The following DNAJC17 variants were observed in gnomAD, a reference collection of about 807,000 sequenced individuals.
The protein encoded by DNAJC17 is DnaJ heat shock protein family (Hsp40) member C17, also known as dnaJ homolog subfamily C member 17.
In DNAJC17, 35 loss-of-function variants were observed where a neutral mutation model predicts 48.1. The ratio of observed to expected loss-of-function variants is 0.73; its 90% confidence interval spans 0.56 to 0.96. DNAJC17 has a LOEUF of 0.96. DNAJC17 is among the 50% of genes least tolerant of loss of function. The pLI is 0.00. For missense variants in DNAJC17, 355 were observed against 377.1 expected (o/e 0.94, Z 0.48); for synonymous variants, 117 against 142.7 (o/e 0.82, Z 1.28).
At chr15:40,796,644 G>A (rs1566830001) in intron 1 of DNAJC17, among the ~76,000 whole-genome samples, 1 of 152,218 alleles carries the variant, frequency 6.6e-6, no homozygotes, top group Non-Finnish European at 1.5e-5. Flanking sequence ...CCTGTGTATT[G>A]CTGGTGGGAA....
intron 1 of DNAJC17, among the ~76,000 whole-genome samples, chr15:40,800,688 T>C (rs80308000): frequency 0.013 from 1,862 of 141,248 alleles, 17 homozygotes; most frequent in Non-Finnish European, 0.021. Context: ...CATAAGCCAT[T>C]AAAAAAAAAA....
chr15:40,783,220 A>G (rs1234382596), intron 1 of DNAJC17, among the ~76,000 whole-genome samples: 1 of 151,962 alleles, frequency 6.6e-6, no homozygotes, highest in East Asian at 1.9e-4. Context: ...GCTTTTTTTC[A>G]ATAAGTAAAA....
In DNAJC17 at chr15:40,765,301, C is replaced by T. The variant is rs1888924272; in HGVS notation, c.*2639G>A. ...CACCATAATCAGTTTTAGAACATTT[C>T]TAATACCCCAAAAGGAAACCCTGTA... is the stretch of plus-strand genomic sequence containing the variant. On this transcript the variant is annotated 3_prime_UTR_variant, in exon 11 of 11. Coordinates refer to ENST00000220496, the MANE Select transcript of DNAJC17 (RefSeq NM_018163.3). 1 of 152,240 alleles carries T rather than the reference C, an allele frequency of 6.6e-6. No individual in the cohort carries two copies. Among genetic ancestry groups the T allele is most frequent in the Non-Finnish European group, 1.5e-5 (1 of 68,088 alleles). 9.4% of individuals were successfully genotyped at this position (152,240 alleles called of 1,614,324 possible).
chr15:40,767,437 T>C lies in DNAJC17; in HGVS notation c.*503A>G, dbSNP rs1194606657. ...CCAAGCTCCTGCCTCACCGTCTGCCTTGCTCCTCTCTTCCCAAATCATCAC... is the reference window on the plus strand; with the variant it reads ...CCAAGCTCCTGCCTCACCGTCTGCCCTGCTCCTCTCTTCCCAAATCATCAC... On this transcript the variant is annotated 3_prime_UTR_variant, in exon 11 of 11. Coordinates refer to ENST00000220496, the MANE Select transcript of DNAJC17 (RefSeq NM_018163.3). 1 of 1,407,142 alleles carries C rather than the reference T, an allele frequency of 7.1e-7. No homozygotes were observed. Among genetic ancestry groups the C allele is most frequent in the Non-Finnish European group, 9.5e-7 (1 of 1,049,520 alleles). 87.2% of individuals were successfully genotyped at this position (1,407,142 alleles called of 1,614,324 possible). A position where few individuals can be genotyped will look rare whatever the true frequency, so the allele number is the denominator to read the frequency against.
At chr15:40,787,680 C>G (rs1411121346) in intron 1 of DNAJC17, among the ~76,000 whole-genome samples, 1 of 152,148 alleles carries the variant, frequency 6.6e-6, no homozygotes, top group Non-Finnish European at 1.5e-5. Context: ...CAACCTGAAC[C>G]CAGAGCAGGG....
Position 40,771,403 on chromosome 15 carries a change from G to A in DNAJC17, c.792+2324C>T, listed in dbSNP as rs1000599079. 2.5e-5 allele frequency: 7 copies of A among 276,936 alleles called. No individual in the cohort carries two copies. The South Asian group carries it at 3.5e-4, about 14-fold the overall frequency. 17.2% of individuals were successfully genotyped at this position (276,936 alleles called of 1,614,324 possible). On this transcript the variant is annotated intron_variant, in intron 10 of 10. Coordinates refer to ENST00000220496, the MANE Select transcript of DNAJC17 (RefSeq NM_018163.3). Reference sequence around the variant, plus strand: ...AGAAGGTGGCACGGGGTCAGATCAGGGAGTGGGAGGACACAGACTGAGCAG... The same window carrying A: ...AGAAGGTGGCACGGGGTCAGATCAGAGAGTGGGAGGACACAGACTGAGCAG...
chr15:40,772,755 A>G (rs933465923), intron 10 of DNAJC17, among the ~76,000 whole-genome samples: 4 of 152,228 alleles, frequency 2.6e-5, no homozygotes, highest in African/African-American at 9.6e-5. Flanking sequence ...TCTTGCCCCC[A>G]AAGCAATCTG....
At chr15:40,777,844 G>A (rs1458540029) in intron 4 of DNAJC17, among the ~76,000 whole-genome samples, 1 of 151,928 alleles carries the variant, frequency 6.6e-6, no homozygotes, top group Non-Finnish European at 1.5e-5. Context: ...CTGATTTATA[G>A]TCAGAGTTGC....
chr15:40,775,980 CAGG>C (rs1485269576), intron 6 of DNAJC17, among the ~76,000 whole-genome samples: 1 of 152,066 alleles, frequency 6.6e-6, no homozygotes, highest in Non-Finnish European at 1.5e-5. Context: ...CAAATGTGGC[CAGG>C]AGATCTCAGG....
rs927039352 is a variant in DNAJC17, at chr15:40,767,856, G to A, written c.*84C>T. The A allele has an allele frequency of 1.3e-6, 2 of 1,563,674 alleles. No individual in the cohort carries two copies. The highest frequency in any genetic ancestry group is 1.7e-6 in the Non-Finnish European group (2 of 1,158,690). ...CCCAGCACCTTATACCTATGTATGG[G>A]ATAGAGGTAAAATCTTAAAAAAAAA... is the stretch of plus-strand genomic sequence containing the variant. On this transcript the variant is annotated 3_prime_UTR_variant, in exon 11 of 11. Transcript: ENST00000220496.
At chr15:40,783,614 A>C (rs557181043) in intron 1 of DNAJC17, among the ~76,000 whole-genome samples, 10 of 152,314 alleles carry the variant, frequency 6.6e-5, no homozygotes, top group African/African-American at 2.2e-4. Context: ...CTCTAATCCC[A>C]TCGCTGTGGG....
intron 1 of DNAJC17, among the ~76,000 whole-genome samples, chr15:40,804,041 T>C (rs1189886367): frequency 1.3e-5 from 2 of 149,796 alleles, no homozygotes; most frequent in Admixed American, 6.7e-5. Context: ...GGCAAAATCA[T>C]AGCTCACTGA....
chr15:40,785,240 T>C (rs567647561), intron 1 of DNAJC17, among the ~76,000 whole-genome samples: 119 of 152,316 alleles, frequency 7.8e-4, no homozygotes, highest in African/African-American at 2.8e-3. Context: ...TGATATTTAC[T>C]TTCTATAATA....
intron 4 of DNAJC17, among the ~76,000 whole-genome samples, chr15:40,777,813 G>A (rs961917351): frequency 6.6e-6 from 1 of 151,970 alleles, no homozygotes; most frequent in Admixed American, 6.6e-5. Context: ...ATCTTATTGG[G>A]TTGATGAAAA....
intron 1 of DNAJC17, among the ~76,000 whole-genome samples, chr15:40,804,497 G>C (rs1362843063): frequency 6.6e-6 from 1 of 152,086 alleles, no homozygotes; most frequent in Non-Finnish European, 1.5e-5. Flanking sequence ...TACATGAGAG[G>C]CTGAGGTGGG....
chr15:40,804,138 T>TAA, intron 1 of DNAJC17, among the ~76,000 whole-genome samples: 1 of 151,656 alleles, frequency 6.6e-6, no homozygotes, highest in African/African-American at 2.4e-5. Flanking sequence ...AGCTTTTTTT[T>TAA]TTATATATAG....
At chr15:40,782,411 ACT>A (rs1165880428) in intron 1 of DNAJC17, among the ~76,000 whole-genome samples, 1 of 151,928 alleles carries the variant, frequency 6.6e-6, no homozygotes, top group African/African-American at 2.4e-5. Context: ...ACAGAGCAAG[ACT>A]CTCTCTTAAA....
chr15:40,807,300 G>T (rs1264918492), intron 1 of DNAJC17, 69 bp downstream of exon 1: 2 of 1,613,354 alleles, frequency 1.2e-6, no homozygotes, highest in Non-Finnish European at 1.7e-6. Flanking sequence ...TGCCAGCAGT[G>T]GCCGAGGCGC....
At chr15:40,793,433 T>C (rs1023920485) in intron 1 of DNAJC17, among the ~76,000 whole-genome samples, 10 of 152,156 alleles carry the variant, frequency 6.6e-5, no homozygotes, top group African/African-American at 2.4e-4. Context: ...CAGTACCTTG[T>C]CCATGGTGAG....
Sources: gnomAD v4.1 joint callset for allele counts (sites outside exome capture counted in the v4.1 genomes callset) on GRCh38, gnomAD v4.1.1 for gene constraint, MANE v1.5 for transcripts, NCBI Gene and HGNC (gene_info 2026-07-23, HGNC 2026-07-21) for gene names.